The following XRN1 variants were observed in gnomAD, a reference collection of about 807,000 sequenced individuals.
XRN1 encodes the protein strand-exchange protein 1 homolog.
In XRN1, 67 loss-of-function variants were observed where a neutral mutation model predicts 222.3. That is an observed-to-expected ratio of 0.30 (90% CI 0.25 to 0.37). The LOEUF (loss-of-function observed/expected upper bound fraction) is 0.37. XRN1 is among the 10% of genes least tolerant of loss of function. The probability of loss-of-function intolerance (pLI) is 1.00; values close to 1 mark genes in which losing one functional copy is unlikely to be tolerated. For synonymous variants in XRN1, 643 were observed against 652.4 expected (o/e 0.99, Z 0.22); for missense variants, 1,707 against 2,000.2 (o/e 0.85, Z 2.80).
At chr3:142,410,989 G>A (rs1321911018) in intron 15 of XRN1, among the ~76,000 whole-genome samples, 3 of 152,142 alleles carry the variant, frequency 2.0e-5, no homozygotes, top group Non-Finnish European at 4.4e-5. Context: ...ATGTTTGCTA[G>A]AATTCACAAG....
rs1161990612 is a variant in XRN1 at position 142,431,997 on chromosome 3, T to C, written c.308+664A>G. On this transcript the variant is annotated intron_variant, in intron 2 of 40. Transcript: ENST00000392981. Reference sequence around the variant, plus strand: ...ATTGTATATATTATATAATATATTGTATATATATAAATATATATTTTTTTA... The same window carrying C: ...ATTGTATATATTATATAATATATTGCATATATATAAATATATATTTTTTTA... Among the ~76,000 whole-genome samples, 373 of 90,832 alleles carry C rather than the reference T, an allele frequency of 4.1e-3. 12 individuals carry two copies. Among genetic ancestry groups the C allele is most frequent in the African/African-American group, 0.027 (368 of 13,764 alleles). 59.6% of individuals were successfully genotyped at this position (90,832 alleles called of 152,430 possible).
intron 2 of XRN1, among the ~76,000 whole-genome samples, chr3:142,432,346 G>C (rs1424072143): frequency 1.3e-5 from 2 of 148,508 alleles, no homozygotes; most frequent in African/African-American, 5.0e-5. Context: ...ACTTGAACTG[G>C]GGAGGCAGAT....
intron 13 of XRN1, among the ~76,000 whole-genome samples, chr3:142,414,755 A>G (rs2068721068): frequency 1.3e-5 from 2 of 152,212 alleles, no homozygotes; most frequent in African/African-American, 4.8e-5. Flanking sequence ...TCGGCCTCCC[A>G]AAGTGCTGGG....
At chr3:142,316,411 G>C (rs2065213683) in intron 39 of XRN1, among the ~76,000 whole-genome samples, 1 of 151,518 alleles carries the variant, frequency 6.6e-6, no homozygotes, top group African/African-American at 2.4e-5. Flanking sequence ...ATTAGAGATG[G>C]GGTTTTATCA....
Position 142,426,734 on chromosome 3 carries a change from G to A in XRN1, c.406+10C>T. On this transcript the variant is annotated intron_variant, in intron 3 of 40. Coordinates refer to ENST00000392981, the MANE Select transcript of XRN1 (RefSeq NM_001282857.2). ...CAATTCTGTCATAATTTGTCTCTCAGTGAATTTACCTGGTGTGATACAGTT... is the reference window on the plus strand; with the variant it reads ...CAATTCTGTCATAATTTGTCTCTCAATGAATTTACCTGGTGTGATACAGTT... 1 of 1,602,398 alleles carries A rather than the reference G, an allele frequency of 6.2e-7. No individual in the cohort carries two copies.
intron 32 of XRN1, among the ~76,000 whole-genome samples, chr3:142,348,110 C>T (rs971106332): frequency 2.0e-5 from 3 of 152,016 alleles, no homozygotes; most frequent in Admixed American, 6.6e-5. Flanking sequence ...AGAAATAGTA[C>T]TGGACTAGAG....
At chr3:142,321,289 C>T (rs1453976663) in intron 37 of XRN1, among the ~76,000 whole-genome samples, 1 of 151,486 alleles carries the variant, frequency 6.6e-6, no homozygotes, top group Admixed American at 6.6e-5. Flanking sequence ...CCAGCTAATT[C>T]TTTGTATTTT....
At chr3:142,375,769 T>G (rs1577320948) in intron 25 of XRN1, 29 bp downstream of exon 25, 5 of 1,550,674 alleles carry the variant, frequency 3.2e-6, no homozygotes, top group Non-Finnish European at 3.5e-6. Flanking sequence ...GATTTTGGAA[T>G]GACTACTAGT....
In XRN1 at chr3:142,355,482, ATCT is replaced by A. The variant is rs771947840; in HGVS notation, c.3684_3686del (p.Lys1228_Asp1229delinsAsn). The A allele has an allele frequency of 1.3e-6, 2 of 1,595,348 alleles. No homozygotes were observed. The highest frequency in any genetic ancestry group is 2.7e-5 in the African/African-American group (2 of 74,448). On this transcript the variant is annotated inframe_deletion, in exon 32 of 41. Transcript: ENST00000392981. The stretch of plus-strand genomic sequence containing the variant: ...GCCAAATGTTGCAGAATTCATCATC[ATCT>A]TTAGTAGGTACCTAGCAAAGTACAA...
chr3:142,428,335 T>C (rs953356155), intron 2 of XRN1, among the ~76,000 whole-genome samples: 4 of 131,950 alleles, frequency 3.0e-5, no homozygotes, highest in Non-Finnish European at 4.6e-5. Context: ...GCAGAGGCCA[T>C]AGTGAGCCGA....
At chr3:142,437,264 TTTTAA>T (rs1370630052) in intron 1 of XRN1, among the ~76,000 whole-genome samples, 1 of 152,218 alleles carries the variant, frequency 6.6e-6, no homozygotes, top group Non-Finnish European at 1.5e-5. Flanking sequence ...GTATTTTTCT[TTTTAA>T]TTTAACATCC....
rs974481055 is a variant in XRN1, at chr3:142,309,329, T to C, written c.*2182A>G. 6 of 152,260 alleles carry C rather than the reference T, an allele frequency of 3.9e-5. No individual in the cohort carries two copies. The highest frequency in any genetic ancestry group is 1.2e-4 in the African/African-American group (5 of 41,450). The allele number at this position is 152,260 out of a possible 1,614,324, so 9.4% of individuals were successfully genotyped here. Reference sequence around the variant, plus strand: ...GACTCTGCCTCGCGGGTTCAAATGATTCTCATGCCTCAGCCTCCCGAGTAG... The same window carrying C: ...GACTCTGCCTCGCGGGTTCAAATGACTCTCATGCCTCAGCCTCCCGAGTAG... On this transcript the variant is annotated 3_prime_UTR_variant, in exon 41 of 41. Transcript: ENST00000392981.
chr3:142,426,942 T>A (rs1374099922), intron 2 of XRN1, 101 bp from the exon 3 acceptor site: 1 of 816,108 alleles, frequency 1.2e-6, no homozygotes, highest in East Asian at 2.5e-5. Context: ...AAATAGTAAT[T>A]CACCAGTTTT....
chr3:142,384,721 A>G, intron 20 of XRN1, 36 bp from the exon 21 acceptor site: 1 of 1,454,696 alleles, frequency 6.9e-7, no homozygotes, highest in Non-Finnish European at 9.3e-7. Context: ...ATACATATGA[A>G]TGAGTATGCA....
intron 29 of XRN1, 61 bp from the exon 30 acceptor site, chr3:142,359,992 T>G (rs1007579225): frequency 6.2e-5 from 76 of 1,232,456 alleles, no homozygotes; most frequent in Non-Finnish European, 7.6e-5. Flanking sequence ...AATCAACAGA[T>G]AAGTTTTTGG....
At chr3:142,442,327 AC>A (rs1448173501) in intron 1 of XRN1, among the ~76,000 whole-genome samples, 1 of 152,070 alleles carries the variant, frequency 6.6e-6, no homozygotes, top group African/African-American at 2.4e-5. Flanking sequence ...ATAGAAAGGA[AC>A]CGCCAAGAGG....
chr3:142,385,775 T>C (rs1405298933), intron 20 of XRN1, among the ~76,000 whole-genome samples: 1 of 152,068 alleles, frequency 6.6e-6, no homozygotes, highest in African/African-American at 2.4e-5. Context: ...TCTGATATTA[T>C]TTTCATCTCT....
chr3:142,386,403 G>A (rs1261851088), intron 20 of XRN1, among the ~76,000 whole-genome samples: 1 of 152,064 alleles, frequency 6.6e-6, no homozygotes, highest in Non-Finnish European at 1.5e-5. Flanking sequence ...CAATTCATCA[G>A]ATTAACAGGA....
At chr3:142,389,592 T>G (rs916227372) in intron 20 of XRN1, among the ~76,000 whole-genome samples, 12 of 152,154 alleles carry the variant, frequency 7.9e-5, no homozygotes, top group Non-Finnish European at 1.8e-4. Context: ...TGATCTTGGT[T>G]CACTGCAACC....
Sources: allele counts gnomAD v4.1 joint callset (sites outside exome capture counted in the v4.1 genomes callset), GRCh38; gene constraint gnomAD v4.1.1; transcripts MANE v1.5; gene names NCBI Gene and HGNC (gene_info 2026-07-23, HGNC 2026-07-21).